The following ECT2L variants were observed in gnomAD, a reference collection of about 807,000 sequenced individuals.
ECT2L encodes the protein epithelial cell-transforming sequence 2 oncogene-like.
A neutral mutation model predicts 122.8 loss-of-function variants in ECT2L; 126 were observed. That is an observed-to-expected ratio of 1.03 (90% CI 0.89 to 1.19). The LOEUF is 1.19. Among genes scored for constraint, ECT2L ranks in the 50% most tolerant of loss-of-function variants. The probability of loss-of-function intolerance (pLI) is 0.00; values close to 1 mark genes in which losing one functional copy is unlikely to be tolerated. For synonymous variants in ECT2L, 385 were observed against 381.8 expected (o/e 1.01, Z -0.10); for missense variants, 1,012 against 1,064.1 (o/e 0.95, Z 0.68).
chr6:138,867,999 CAAAAAAAAAAAAA>C, intron 12 of ECT2L, 91 bp from the exon 13 acceptor site: 1 of 332,918 alleles, frequency 3.0e-6, no homozygotes, highest in Non-Finnish European at 4.6e-6. Context: ...GATTCTGTCT[CAAAAAAAAAAAAA>C]AAAAAAAGAA....
intron 4 of ECT2L, among the ~76,000 whole-genome samples, chr6:138,829,022 ATT>A (rs61589748): frequency 2.8e-4 from 34 of 123,568 alleles, no homozygotes; most frequent in Non-Finnish European, 3.2e-4. Context: ...TAAGTTTAAA[ATT>A]TTTTTTTTTT....
chr6:138,897,307 G>C (rs1779247795), intron 20 of ECT2L, among the ~76,000 whole-genome samples: 1 of 151,826 alleles, frequency 6.6e-6, no homozygotes, highest in Non-Finnish European at 1.5e-5. Context: ...GTTCAACTGA[G>C]GATGGAAAAC....
chr6:138,873,859 G>A (rs2128403645), intron 13 of ECT2L, among the ~76,000 whole-genome samples: 1 of 118,244 alleles, frequency 8.5e-6, no homozygotes, highest in East Asian at 2.4e-4. Context: ...CGGATTATCT[G>A]TCAAATCCAG....
In ECT2L at chr6:138,843,155, A is replaced by T; in HGVS notation, c.519A>T (p.Glu173Asp). ...TYGTLNEPKT[E>D]DEELLERQRE... ...GGACGCTGAATGAACCCAAAACAGA[A>T]GATGAGGAACTACTGGAGAGACAAA... The change falls in exon 6 of 22, where the codon GAA becomes GAT. Residue 173 changes from glutamate (E) to aspartate (D), a missense_variant. Coordinates refer to ENST00000541398, the MANE Select transcript of ECT2L (RefSeq NM_001077706.3). The T allele has an allele frequency of 6.2e-7, 1 of 1,614,066 alleles. No individual in the cohort carries two copies.
At chr6:138,864,906 C>A in intron 11 of ECT2L, 90 bp from the exon 12 acceptor site, 1 of 1,224,548 alleles carries the variant, frequency 8.2e-7, no homozygotes, top group Non-Finnish European at 1.1e-6. Context: ...AATACAAATG[C>A]AACTAAGATT....
intron 19 of ECT2L, 34 bp from the exon 20 acceptor site, chr6:138,888,909 A>T: frequency 8.4e-7 from 1 of 1,196,538 alleles, no homozygotes. Context: ...AAAAAAATTT[A>T]TATGTACTTC....
chr6:138,866,320 A>G (rs1363744473), intron 12 of ECT2L, among the ~76,000 whole-genome samples: 2 of 151,638 alleles, frequency 1.3e-5, no homozygotes, highest in African/African-American at 4.8e-5. Context: ...GCCAATTTTT[A>G]TTTTATTTTT....
Position 138,844,453 on chromosome 6 carries a change from T to G in ECT2L, c.637T>G (p.Cys213Gly), listed in dbSNP as rs1777150641. The G allele has an allele frequency of 1.2e-6, 2 of 1,614,182 alleles. No homozygotes were observed. The highest frequency in any genetic ancestry group is 4.5e-5 in the East Asian group (2 of 44,880). ...KVRPPWVSGT[C>G]CSSVLKPRCQ... ...TCGACCCCCTTGGGTGAGTGGAACT[T>G]GCTGCTCTAGCGTGCTAAAGCCCAG... The change falls in exon 7 of 22, where the codon TGC becomes GGC. Residue 213 changes from cysteine to glycine, a missense_variant. Cys to Gly is a radical substitution (Grantham distance 159, BLOSUM62 -3). Coordinates refer to ENST00000541398, the MANE Select transcript of ECT2L (RefSeq NM_001077706.3).
At chr6:138,850,180 G>A (rs561335533) in intron 9 of ECT2L, among the ~76,000 whole-genome samples, 17 of 150,898 alleles carry the variant, frequency 1.1e-4, no homozygotes, top group Admixed American at 3.3e-4. Context: ...TGCTCTTGTC[G>A]CCCAGGCTGG....
At chr6:138,829,808 C>T (rs919525174) in intron 4 of ECT2L, among the ~76,000 whole-genome samples, 7 of 151,884 alleles carry the variant, frequency 4.6e-5, no homozygotes, top group African/African-American at 1.2e-4. Flanking sequence ...CTGCAACCTC[C>T]GCCTCCCGGG....
chr6:138,841,391 C>G (rs530853312), intron 5 of ECT2L, among the ~76,000 whole-genome samples: 6 of 152,280 alleles, frequency 3.9e-5, no homozygotes, highest in African/African-American at 1.2e-4. Context: ...GCTTCTGGCA[C>G]GTCTAGTGCT....
intron 13 of ECT2L, 103 bp from the exon 14 acceptor site, chr6:138,876,369 G>A: frequency 1.4e-6 from 1 of 711,336 alleles, no homozygotes; most frequent in East Asian, 2.6e-5. Context: ...CTGTGGTTGG[G>A]GCTGAAGGCA....
At chr6:138,842,333 C>G (rs1460175493) in intron 5 of ECT2L, among the ~76,000 whole-genome samples, 1 of 152,030 alleles carries the variant, frequency 6.6e-6, no homozygotes, top group African/African-American at 2.4e-5. Flanking sequence ...TGGTGGCATG[C>G]GCCTGTAATC....
chr6:138,846,961 C>CT (rs1199640543), intron 8 of ECT2L, among the ~76,000 whole-genome samples: 1 of 64,804 alleles, frequency 1.5e-5, no homozygotes, highest in Non-Finnish European at 2.6e-5. Context: ...GACTCTGTTT[C>CT]TATAAAAAAA....
intron 20 of ECT2L, among the ~76,000 whole-genome samples, chr6:138,894,465 A>G (rs1397236013): frequency 1.3e-5 from 2 of 152,216 alleles, no homozygotes; most frequent in East Asian, 1.9e-4. Context: ...AAGATTTAGG[A>G]TAATCCAAAA....
intron 9 of ECT2L, among the ~76,000 whole-genome samples, chr6:138,851,674 AT>A (rs567918024): frequency 2.1e-3 from 311 of 151,340 alleles, no homozygotes; most frequent in African/African-American, 7.2e-3. Context: ...GGGTTATTTG[AT>A]TTTTTTCACT....
chr6:138,869,547 G>C (rs972355413), intron 13 of ECT2L, among the ~76,000 whole-genome samples: 1 of 152,228 alleles, frequency 6.6e-6, no homozygotes, highest in Non-Finnish European at 1.5e-5. Flanking sequence ...GCAGCCCAAT[G>C]ACGAAAGGCC....
At chr6:138,823,354 T>C (rs1462892370) in intron 4 of ECT2L, 10 of 1,604,818 alleles carry the variant, frequency 6.2e-6, no homozygotes, top group Middle Eastern at 3.3e-4. Context: ...ATTCAAATGC[T>C]AGAGATCTGC....
chr6:138,895,213 C>A (rs770254579), intron 20 of ECT2L, among the ~76,000 whole-genome samples: 4 of 152,150 alleles, frequency 2.6e-5, no homozygotes, highest in African/African-American at 9.7e-5. Context: ...GGAATGCCAT[C>A]CCCATGATTT....
Sources: gnomAD v4.1 joint callset for allele counts (sites outside exome capture counted in the v4.1 genomes callset) on GRCh38, gnomAD v4.1.1 for gene constraint, MANE v1.5 for transcripts, NCBI Gene and HGNC (gene_info 2026-07-23, HGNC 2026-07-21) for gene names.